KLF12: variants seen among roughly 807,000 people sequenced by gnomAD.
KLF12 encodes Krueppel-like factor 12.
KLF12 carries 9 observed loss-of-function variants against 37.8 expected under a neutral mutation model. The observed-to-expected ratio is 0.24, with a 90% CI of 0.14 to 0.42. KLF12 has a LOEUF of 0.42. Among genes scored for constraint, KLF12 ranks in the 10% least tolerant of loss-of-function variants. The pLI, the probability that KLF12 is intolerant of heterozygous loss-of-function variation, is 1.00. For synonymous variants in KLF12, 208 were observed against 202.1 expected, an observed-to-expected ratio of 1.03 and a Z score of -0.25; for missense variants, 411 against 516.0, an observed-to-expected ratio of 0.80 and a Z score of 1.97.
intron 3 of KLF12, among the ~76,000 whole-genome samples, chr13:73,887,903 T>G (rs1887308940): frequency 6.6e-6 from 1 of 152,086 alleles, no homozygotes; most frequent in African/African-American, 2.4e-5. Flanking sequence ...AGGAAGTGAT[T>G]GAATACATAA....
chr13:73,852,877 T>TG (rs893060769), intron 3 of KLF12, among the ~76,000 whole-genome samples: 1 of 150,546 alleles, frequency 6.6e-6, no homozygotes, highest in African/African-American at 2.4e-5. Flanking sequence ...TTATGTTTTT[T>TG]TTTTTTTTTT....
the KLF12 span, among the ~76,000 whole-genome samples, chr13:74,214,456 A>G: frequency 1.3e-5 from 2 of 152,148 alleles, no homozygotes; most frequent in Admixed American, 6.5e-5. Flanking sequence ...ATGATCTGGG[A>G]GATCTGAGAA....
intron 5 of KLF12, among the ~76,000 whole-genome samples, chr13:73,791,067 AG>A (rs1881655875): frequency 6.6e-6 from 1 of 152,258 alleles, no homozygotes; most frequent in Admixed American, 6.5e-5. Flanking sequence ...AAATTTTAAA[AG>A]AATTCATTTT....
chr13:74,138,830 A>G (rs1182627050), upstream of KLF12, among the ~76,000 whole-genome samples: 1 of 152,126 alleles, frequency 6.6e-6, no homozygotes, highest in Admixed American at 6.5e-5. Context: ...GTTACAACAA[A>G]ATACTGTGAC....
intron 2 of KLF12, among the ~76,000 whole-genome samples, chr13:73,963,349 T>TAC (rs1460057840): frequency 3.9e-5 from 2 of 51,320 alleles, no homozygotes; most frequent in African/African-American, 9.1e-5. Context: ...AGTACTTCAG[T>TAC]ATACACACAC....
chr13:74,216,029 C>T, the KLF12 span, among the ~76,000 whole-genome samples: 22 of 152,106 alleles, frequency 1.4e-4, no homozygotes, highest in African/African-American at 5.3e-4. Flanking sequence ...ACACAAGAGC[C>T]CCTTCCACTC....
chr13:73,927,082 C>T (rs1307478054), intron 3 of KLF12, among the ~76,000 whole-genome samples: 1 of 152,076 alleles, frequency 6.6e-6, no homozygotes, highest in Non-Finnish European at 1.5e-5. Context: ...TAAAATATAA[C>T]ACAGCTTTTA....
the KLF12 span, among the ~76,000 whole-genome samples, chr13:74,199,671 G>T: frequency 6.6e-6 from 1 of 152,176 alleles, no homozygotes; most frequent in African/African-American, 2.4e-5. Flanking sequence ...TGAAACAAAA[G>T]AATTGTGTAA....
At chr13:73,918,680 A>G (rs1407922570) in intron 3 of KLF12, among the ~76,000 whole-genome samples, 1 of 152,196 alleles carries the variant, frequency 6.6e-6, no homozygotes, top group East Asian at 1.9e-4. Context: ...AGAAAATAAG[A>G]AAGGATGCCA....
chr13:73,952,172 T>C (rs1368006052), intron 2 of KLF12, among the ~76,000 whole-genome samples: 2 of 152,204 alleles, frequency 1.3e-5, no homozygotes, highest in African/African-American at 4.8e-5. Context: ...AGTCAGGTCA[T>C]GAAGGGTTGT....
the KLF12 span, among the ~76,000 whole-genome samples, chr13:74,287,395 A>AGAGAGAGAGAGAGAG: frequency 3.7e-3 from 550 of 146,980 alleles, no homozygotes; most frequent in African/African-American, 4.6e-3. Flanking sequence ...AGAGAGAGAG[A>AGAGAGAGAGAGAGAG]ATCCACCTCT....
upstream of KLF12, among the ~76,000 whole-genome samples, chr13:74,137,967 G>A (rs1317458089): frequency 6.6e-6 from 1 of 152,190 alleles, no homozygotes; most frequent in East Asian, 1.9e-4. Flanking sequence ...CTCCATGTTG[G>A]TCAGGCTGGT....
chr13:74,131,997 C>T (rs1338925695), intron 1 of KLF12, among the ~76,000 whole-genome samples: 2 of 152,134 alleles, frequency 1.3e-5, no homozygotes, highest in Non-Finnish European at 2.9e-5. Flanking sequence ...TTCCACTATG[C>T]TTCTACAGTT....
intron 1 of KLF12, among the ~76,000 whole-genome samples, chr13:74,049,216 A>G (rs1405260622): frequency 2.0e-5 from 3 of 152,246 alleles, no homozygotes; most frequent in Non-Finnish European, 4.4e-5. Flanking sequence ...AGAGAAAATC[A>G]TACCAAGAAC....
At chr13:74,076,107 C>G (rs772389128) in intron 1 of KLF12, among the ~76,000 whole-genome samples, 1 of 152,000 alleles carries the variant, frequency 6.6e-6, no homozygotes, top group Non-Finnish European at 1.5e-5. Context: ...ATATTAAGAA[C>G]TAAAGAACTG....
chr13:74,259,622 C>T, the KLF12 span: 2 of 152,148 alleles, frequency 1.3e-5, no homozygotes, highest in Non-Finnish European at 2.9e-5. Context: ...TTTAAAACCC[C>T]AATTTAAGAA....
At chr13:73,984,117 T>C (rs544306980) in intron 2 of KLF12, among the ~76,000 whole-genome samples, 1 of 152,226 alleles carries the variant, frequency 6.6e-6, no homozygotes, top group African/African-American at 2.4e-5. Context: ...AGCAAGCAGG[T>C]AGAGCTGCAA....
At chr13:74,182,981 G>C in the KLF12 span, among the ~76,000 whole-genome samples, 1 of 152,262 alleles carries the variant, frequency 6.6e-6, no homozygotes, top group East Asian at 1.9e-4. Context: ...CATCATGTGA[G>C]ACTAGTATTT....
At chr13:73,972,713 A>T (rs781341681) in intron 2 of KLF12, among the ~76,000 whole-genome samples, 1 of 150,508 alleles carries the variant, frequency 6.6e-6, no homozygotes, top group Non-Finnish European at 1.5e-5. Flanking sequence ...CCTGGCTGAA[A>T]TCTTGCCCCA....
Sources: gnomAD v4.1 joint callset for allele counts (sites outside exome capture counted in the v4.1 genomes callset) on GRCh38, gnomAD v4.1.1 for gene constraint, MANE v1.5 for transcripts, NCBI Gene and HGNC (gene_info 2026-07-23, HGNC 2026-07-21) for gene names.